Variants in LPIN1 observed in about 807,000 individuals in gnomAD.
LPIN1 encodes the protein lipin 1.
In LPIN1, 71 loss-of-function variants were observed where a neutral mutation model predicts 107.5. The observed-to-expected ratio is 0.66, with a 90% CI of 0.55 to 0.80. LPIN1 has a LOEUF of 0.80. LPIN1 is among the 30% of genes least tolerant of loss of function. The pLI is 0.00. For synonymous variants in LPIN1, 445 were observed against 452.6 expected (o/e 0.98, Z 0.21); for missense variants, 1,043 against 1,160.6 (o/e 0.90, Z 1.47).
intron 1 of LPIN1, among the ~76,000 whole-genome samples, chr2:11,678,954 G>A (rs1661568934): frequency 6.6e-6 from 1 of 152,212 alleles, no homozygotes; most frequent in Non-Finnish European, 1.5e-5. Context: ...CCATTTTTGT[G>A]GTTAGTCAGG....
chr2:11,693,792 A>G (rs927355928), intron 1 of LPIN1, among the ~76,000 whole-genome samples: 116 of 21,098 alleles, frequency 5.5e-3, no homozygotes, highest in Middle Eastern at 0.023. Flanking sequence ...GAGTGTGTAT[A>G]TATATATATA....
intron 1 of LPIN1, among the ~76,000 whole-genome samples, chr2:11,764,032 C>T (rs1315813973): frequency 7.6e-6 from 1 of 131,628 alleles, no homozygotes; most frequent in Non-Finnish European, 1.6e-5. Context: ...TTTGTCCAGC[C>T]AGAGCAAGAT....
intron 1 of LPIN1, among the ~76,000 whole-genome samples, chr2:11,730,269 A>G (rs530324364): frequency 2.0e-5 from 3 of 152,270 alleles, no homozygotes; most frequent in East Asian, 3.9e-4. Flanking sequence ...TTTCCTGAGG[A>G]GCCCGCTGAG....
At chr2:11,699,439 G>A (rs543212368) in intron 1 of LPIN1, among the ~76,000 whole-genome samples, 1 of 151,282 alleles carries the variant, frequency 6.6e-6, no homozygotes, top group Non-Finnish European at 1.5e-5. Flanking sequence ...TGGAGTCCCT[G>A]GGGGGGGCGT....
intron 1 of LPIN1, among the ~76,000 whole-genome samples, chr2:11,749,299 G>C (rs902228213): frequency 1.3e-5 from 2 of 152,118 alleles, no homozygotes; most frequent in East Asian, 1.9e-4. Flanking sequence ...CCTGTGTGTC[G>C]AGGGGACACA....
intron 14 of LPIN1, among the ~76,000 whole-genome samples, chr2:11,797,942 A>G (rs1677014811): frequency 6.6e-6 from 1 of 152,068 alleles, no homozygotes; most frequent in Admixed American, 6.5e-5. Context: ...AATCCCCATA[A>G]TCCCCAGGTG....
In LPIN1 at chr2:11,782,182, T is replaced by G. The variant is rs766866311; in HGVS notation, c.958-19T>G. 1 of 1,597,430 alleles carries G rather than the reference T, an allele frequency of 6.3e-7. No individual in the cohort carries two copies. The highest frequency in any genetic ancestry group is 8.6e-7 in the Non-Finnish European group (1 of 1,164,992). Reference sequence around the variant, plus strand: ...CTGACCTTGTCTCTCTCTCTGTCCCTCTCTCCTCTTTGCTCTAGTCTTCTT... The same window carrying G: ...CTGACCTTGTCTCTCTCTCTGTCCCGCTCTCCTCTTTGCTCTAGTCTTCTT... On this transcript the variant is annotated intron_variant, in intron 7 of 20. Transcript: ENST00000674199.
intron 1 of LPIN1, among the ~76,000 whole-genome samples, chr2:11,693,473 C>T (rs929144501): frequency 6.6e-5 from 10 of 152,048 alleles, no homozygotes; most frequent in Non-Finnish European, 1.2e-4. Context: ...CACCTTGGAC[C>T]TGCTGAATCA....
intron 1 of LPIN1, among the ~76,000 whole-genome samples, chr2:11,686,494 G>C (rs1662009005): frequency 6.6e-6 from 1 of 152,190 alleles, no homozygotes; most frequent in Non-Finnish European, 1.5e-5. Context: ...GACGGTGCTG[G>C]AGGGTCTGGC....
At chr2:11,752,021 A>G (rs1038719002) in intron 1 of LPIN1, among the ~76,000 whole-genome samples, 3 of 152,246 alleles carry the variant, frequency 2.0e-5, no homozygotes, top group African/African-American at 7.2e-5. Flanking sequence ...TGGATGGCCC[A>G]TAATTTATTA....
intron 1 of LPIN1, among the ~76,000 whole-genome samples, chr2:11,760,017 A>G (rs1316795758): frequency 1.4e-5 from 2 of 145,836 alleles, no homozygotes. Flanking sequence ...GCGGCCGGGC[A>G]GAGACGCTCC....
chr2:11,722,947 T>A (rs1017210755), upstream of LPIN1, among the ~76,000 whole-genome samples: 1 of 152,194 alleles, frequency 6.6e-6, no homozygotes, highest in South Asian at 2.1e-4. Flanking sequence ...CAACAAAGCA[T>A]GTGCAAATCC....
intron 12 of LPIN1, 91 bp downstream of exon 12, chr2:11,788,547 C>T: frequency 2.0e-6 from 2 of 991,350 alleles, no homozygotes; most frequent in Non-Finnish European, 3.2e-6. Flanking sequence ...ATTTTGGAAA[C>T]TACAGAGTTA....
intron 1 of LPIN1, among the ~76,000 whole-genome samples, chr2:11,698,552 G>C (rs994226477): frequency 6.6e-6 from 1 of 152,206 alleles, no homozygotes; most frequent in East Asian, 1.9e-4. Context: ...ATCAGGCCCA[G>C]GTTGTTAAAA....
chr2:11,773,878 C>T (rs753004350), intron 5 of LPIN1, 133 bp downstream of exon 5: 92 of 981,624 alleles, frequency 9.4e-5, no homozygotes, highest in Middle Eastern at 3.1e-4. Context: ...GGTGTAGAGT[C>T]GGAGGTACAG....
At chr2:11,737,904 A>C (rs1167992006) in intron 1 of LPIN1, among the ~76,000 whole-genome samples, 1 of 152,264 alleles carries the variant, frequency 6.6e-6, no homozygotes, top group African/African-American at 2.4e-5. Context: ...CCAAAGGATT[A>C]TAAATCATTC....
chr2:11,680,139 T>C (rs1661634476), intron 1 of LPIN1, among the ~76,000 whole-genome samples: 1 of 151,770 alleles, frequency 6.6e-6, no homozygotes, highest in African/African-American at 2.4e-5. Context: ...ATGCAGGAGA[T>C]GTGGGTGGGA....
intron 1 of LPIN1, among the ~76,000 whole-genome samples, chr2:11,753,307 C>G (rs1262506846): frequency 2.6e-5 from 4 of 152,212 alleles, no homozygotes. Context: ...CTTGCAGGGC[C>G]TCTGACCTGC....
In LPIN1 at chr2:11,717,159, A is replaced by G. The variant is rs556168488; in HGVS notation, c.138+3347A>G. Among the ~76,000 whole-genome samples the G allele has an allele frequency of 3.9e-5, 6 of 152,186 alleles. No homozygotes were observed. The South Asian group carries it at 1.2e-3, about 31-fold the overall frequency. ...AAGCGATTTATGTGGCTGGTTCTATAGAATCAACTGGGAAATACTGGCTCA... is the reference window on the plus strand; with the variant it reads ...AAGCGATTTATGTGGCTGGTTCTATGGAATCAACTGGGAAATACTGGCTCA... On this transcript the variant is annotated intron_variant, in intron 2 of 21. Coordinates refer to the LPIN1 transcript ENST00000449576.
Sources: gnomAD v4.1 joint callset for allele counts (sites outside exome capture counted in the v4.1 genomes callset) on GRCh38, gnomAD v4.1.1 for gene constraint, MANE v1.5 for transcripts, NCBI Gene and HGNC (gene_info 2026-07-23, HGNC 2026-07-21) for gene names.